The following AZIN2 variants were observed in gnomAD, a reference collection of about 807,000 sequenced individuals.
AZIN2 encodes the protein ODC antizyme inhibitor-2.
AZIN2 carries 28 observed loss-of-function variants against 47.8 expected under a neutral mutation model. The ratio of observed to expected loss-of-function variants is 0.59; its 90% CI spans 0.43 to 0.80. The LOEUF is 0.80. Among genes scored for constraint, AZIN2 ranks in the 30% least tolerant of loss-of-function variants. The pLI is 0.00. For missense variants in AZIN2, 535 were observed against 582.5 expected (o/e 0.92, Z 0.84); for synonymous variants, 221 against 239.4 (o/e 0.92, Z 0.71).
At chr1:33,159,649 G>T in the AZIN2 span, 5 of 1,580,988 alleles carry the variant, frequency 3.2e-6, no homozygotes, top group Non-Finnish European at 3.4e-6. The surrounding 1 kb of genome is among the most constrained non-coding windows in gnomAD (Gnocchi z 4.2). Flanking sequence ...TCGAGGAGGG[G>T]ATGGTCAGCC....
intron 10 of AZIN2, among the ~76,000 whole-genome samples, chr1:33,117,527 G>A (rs1039609541): frequency 1.1e-4 from 17 of 152,180 alleles, no homozygotes; most frequent in Admixed American, 4.6e-4. Context: ...GTGCACCCTC[G>A]CCGTGTGCCG....
intron 10 of AZIN2, among the ~76,000 whole-genome samples, chr1:33,115,442 C>T (rs1644494684): frequency 6.6e-6 from 1 of 150,516 alleles, no homozygotes; most frequent in Admixed American, 6.6e-5. Context: ...CAGTGGCTCA[C>T]ACCTGCAATC....
chr1:33,096,186 A>G (rs1235260068), intron 8 of AZIN2, among the ~76,000 whole-genome samples: 1 of 152,192 alleles, frequency 6.6e-6, no homozygotes, highest in Non-Finnish European at 1.5e-5. Flanking sequence ...AAATGTATTT[A>G]CTATTCATTA....
chr1:33,149,360 G>T, the AZIN2 span, among the ~76,000 whole-genome samples: 1 of 151,970 alleles, frequency 6.6e-6, no homozygotes, highest in Non-Finnish European at 1.5e-5. Flanking sequence ...CGTCATGTTG[G>T]CCAGGCTGGT....
the AZIN2 span, chr1:33,159,834 G>A: frequency 3.1e-5 from 50 of 1,613,726 alleles, no homozygotes; most frequent in Non-Finnish European, 4.1e-5. The surrounding 1 kb of genome is among the most constrained non-coding windows in gnomAD (Gnocchi z 4.2). Context: ...TCAGCGTGCG[G>A]GCCGTGTCCG....
At chr1:33,088,118 C>T (rs1184363127) in intron 5 of AZIN2, among the ~76,000 whole-genome samples, 1 of 152,232 alleles carries the variant, frequency 6.6e-6, no homozygotes, top group Admixed American at 6.5e-5. Flanking sequence ...CCTCCCATGG[C>T]TTTAAATACC....
At chr1:33,096,912 C>T (rs1406938679) in intron 9 of AZIN2, 43 bp downstream of exon 9, 1 of 1,612,226 alleles carries the variant, frequency 6.2e-7, no homozygotes, top group Non-Finnish European at 8.5e-7. Flanking sequence ...TCCCCTGAAG[C>T]TTCAGATAGT....
chr1:33,138,640 AAAAAAG>A, the AZIN2 span, among the ~76,000 whole-genome samples: 2 of 149,420 alleles, frequency 1.3e-5, no homozygotes, highest in Admixed American at 6.7e-5. Flanking sequence ...AAAAAAAAAA[AAAAAAG>A]AAAAGGAAAG....
chr1:33,106,879 G>A (rs567163986), intron 10 of AZIN2, among the ~76,000 whole-genome samples: 5 of 152,254 alleles, frequency 3.3e-5, no homozygotes, highest in Admixed American at 3.3e-4. Context: ...TATTTAGTGT[G>A]GTACTAGAAG....
the AZIN2 span, among the ~76,000 whole-genome samples, chr1:33,138,626 C>CAAAAAAAAAAAAAAA: frequency 7.6e-5 from 5 of 66,006 alleles, no homozygotes; most frequent in Admixed American, 1.7e-4. Context: ...ACAACAACAA[C>CAAAAAAAAAAAAAAA]AAAAAAAAAA....
chr1:33,155,047 C>T, the AZIN2 span, among the ~76,000 whole-genome samples: 3 of 142,930 alleles, frequency 2.1e-5, no homozygotes, highest in Non-Finnish European at 4.6e-5. Flanking sequence ...GAGCCGAGAT[C>T]GCGCCACTGC....
intron 5 of AZIN2, among the ~76,000 whole-genome samples, chr1:33,088,750 A>G (rs549515825): frequency 1.3e-5 from 2 of 151,966 alleles, no homozygotes; most frequent in East Asian, 3.9e-4. Context: ...AGATTCTTAG[A>G]TTCTTTCCTT....
the AZIN2 span, among the ~76,000 whole-genome samples, chr1:33,161,592 G>A: frequency 0.013 from 2,000 of 152,274 alleles, 43 homozygotes; most frequent in African/African-American, 0.046. This position sits in a 1 kb window ranked among gnomAD's most constrained non-coding sequence, Gnocchi z 4.3. Context: ...GCAGACAAAG[G>A]GGGGCGGACG....
chr1:33,149,840 C>T, the AZIN2 span, among the ~76,000 whole-genome samples: 1 of 152,158 alleles, frequency 6.6e-6, no homozygotes, highest in African/African-American at 2.4e-5. Flanking sequence ...TCCCCATTTG[C>T]ACCAAGAGGG....
At chr1:33,096,959 C>T (rs1643222739) in intron 9 of AZIN2, 90 bp downstream of exon 9, 2 of 1,514,344 alleles carry the variant, frequency 1.3e-6, no homozygotes, top group Admixed American at 3.5e-5. Context: ...GACCCAGTGG[C>T]AGAGGATGGG....
chr1:33,147,402 C>T, the AZIN2 span: 15 of 1,614,046 alleles, frequency 9.3e-6, no homozygotes, highest in African/African-American at 4.0e-5. This position sits in a 1 kb window ranked among gnomAD's most constrained non-coding sequence, Gnocchi z 8.1. Context: ...TCCAGGGCTC[C>T]GTGCAGGCGC....
intron 5 of AZIN2, among the ~76,000 whole-genome samples, chr1:33,090,645 T>C (rs1309905080): frequency 6.6e-6 from 1 of 152,222 alleles, no homozygotes; most frequent in African/African-American, 2.4e-5. Context: ...ATGTATACGT[T>C]GTGGAATGGT....
chr1:33,095,991 C>G (rs1643108581), intron 8 of AZIN2, among the ~76,000 whole-genome samples: 1 of 152,114 alleles, frequency 6.6e-6, no homozygotes, highest in Admixed American at 6.5e-5. Context: ...GTGCAAGCCA[C>G]CATGCTCAGC....
intron 5 of AZIN2, among the ~76,000 whole-genome samples, chr1:33,089,363 C>T (rs865967234): frequency 6.6e-6 from 1 of 152,050 alleles, no homozygotes; most frequent in African/African-American, 2.4e-5. Flanking sequence ...TCTGGGAGGC[C>T]AAGGCAGGAG....
Sources: allele counts gnomAD v4.1 joint callset (sites outside exome capture counted in the v4.1 genomes callset), GRCh38; gene constraint gnomAD v4.1.1; non-coding constraint Gnocchi (gnomAD v3.1); transcripts MANE v1.5; gene names NCBI Gene and HGNC (gene_info 2026-07-23, HGNC 2026-07-21).